Variants in TMEM132B observed in about 807,000 individuals in gnomAD.
TMEM132B encodes the protein transmembrane protein 132B.
A neutral mutation model predicts 90.8 loss-of-function variants in TMEM132B; 18 were observed. That is an observed-to-expected ratio of 0.20 (90% confidence interval 0.14 to 0.29). TMEM132B has a LOEUF of 0.29. TMEM132B is among the 10% of genes least tolerant of loss of function. TMEM132B has a pLI of 1.00. For missense variants in TMEM132B, 1,096 were observed against 1,326.8 expected, an observed-to-expected ratio of 0.83 and a Z score of 2.70; for synonymous variants, 504 against 523.3, an observed-to-expected ratio of 0.96 and a Z score of 0.50.
At chr12:125,242,093 A>G (rs1874083861) in intron 1 of TMEM132B, among the ~76,000 whole-genome samples, 1 of 152,206 alleles carries the variant, frequency 6.6e-6, no homozygotes, top group Non-Finnish European at 1.5e-5. Flanking sequence ...AAAATACCAT[A>G]GGAGAGCTCC....
rs553922921 is a variant in TMEM132B at position 125,418,051 on chromosome 12, C to T, written c.1106+2374C>T. 2.0e-5 allele frequency among the ~76,000 whole-genome samples: 3 copies of T among 152,294 alleles called. No homozygotes were observed. In the South Asian group the frequency reaches 6.2e-4, roughly 32 times the overall value. The stretch of plus-strand genomic sequence containing the variant: ...TCTCATGCCTCCTGCTGTTGTGCTA[C>T]AGGAGTCCAAATGGGATTTTCTGGC... On this transcript the variant is annotated intron_variant, in intron 3 of 8. Transcript: ENST00000682704.
chr12:125,188,407 T>C (rs1957772314), intron 1 of TMEM132B, among the ~76,000 whole-genome samples: 1 of 152,096 alleles, frequency 6.6e-6, no homozygotes, highest in Non-Finnish European at 1.5e-5. Context: ...AAAATTGCAG[T>C]TTTGTCTCTA....
At chr12:125,491,521 T>C (rs1285922363) in intron 3 of TMEM132B, among the ~76,000 whole-genome samples, 1 of 152,250 alleles carries the variant, frequency 6.6e-6, no homozygotes, top group Admixed American at 6.5e-5. Context: ...TGATGTTCAC[T>C]GCATCTGCAG....
At chr12:125,235,041 G>A (rs548439314) in intron 1 of TMEM132B, among the ~76,000 whole-genome samples, 4 of 152,328 alleles carry the variant, frequency 2.6e-5, no homozygotes, top group African/African-American at 7.2e-5. Flanking sequence ...GCCTCTGCAT[G>A]CTAGTTTGGC....
Position 125,350,124 on chromosome 12 carries a change from T to C in TMEM132B, c.740T>C (p.Ile247Thr). ...LEEEGKWENNIHSGLESPQQA... is the reference protein window; with the variant it reads ...LEEEGKWENNTHSGLESPQQA... The stretch of plus-strand genomic sequence containing the variant: ...GAGGAAGGCAAGTGGGAGAACAATA[T>C]CCACTCGGGCCTGGAGAGCCCCCAG... Residue 247 changes from isoleucine (I) to threonine (T), a missense_variant, in exon 2 of 9, where the codon ATC becomes ACC. Physicochemically the swap from Ile to Thr is moderately conservative, Grantham distance 89. Coordinates refer to ENST00000682704, the MANE Select transcript of TMEM132B (RefSeq NM_001366854.1). 6.2e-7 allele frequency: 1 copy of C among 1,614,104 alleles called. No homozygotes were observed. Among genetic ancestry groups the C allele is most frequent in the Non-Finnish European group, 8.5e-7 (1 of 1,180,002 alleles).
chr12:125,467,001 G>A (rs1881579187), intron 3 of TMEM132B, among the ~76,000 whole-genome samples: 1 of 152,200 alleles, frequency 6.6e-6, no homozygotes, highest in African/African-American at 2.4e-5. Context: ...AGACATCTCG[G>A]GACTGTCCCT....
chr12:125,372,561 T>C (rs188649039), intron 2 of TMEM132B, among the ~76,000 whole-genome samples: 21 of 152,334 alleles, frequency 1.4e-4, no homozygotes, highest in African/African-American at 5.1e-4. Context: ...GAGATGTTTT[T>C]CCAGTGGAAA....
chr12:125,217,069 G>T (rs1444766398), intron 1 of TMEM132B, among the ~76,000 whole-genome samples: 1 of 152,244 alleles, frequency 6.6e-6, no homozygotes, highest in Non-Finnish European at 1.5e-5. Flanking sequence ...AATTCATCTG[G>T]AAGAGTTTTT....
intron 5 of TMEM132B, among the ~76,000 whole-genome samples, chr12:125,641,462 A>G (rs539655374): frequency 2.0e-5 from 3 of 152,332 alleles, no homozygotes; most frequent in East Asian, 3.9e-4. Flanking sequence ...AGTACTCAGT[A>G]TGATTAGCCT....
In TMEM132B at chr12:125,284,674, C is replaced by T. The variant is rs147650844; in HGVS notation, c.68-64778C>T. Among the ~76,000 whole-genome samples, 232 of 152,290 alleles carry T rather than the reference C, an allele frequency of 1.5e-3. 1 individual carries two copies. The highest frequency in any genetic ancestry group is 5.4e-3 in the African/African-American group (226 of 41,564). On this transcript the variant is annotated intron_variant, in intron 1 of 8. Coordinates refer to ENST00000682704, the MANE Select transcript of TMEM132B (RefSeq NM_001366854.1). ...TGGATAGACATTCAAATCGCTTCTG[C>T]GTTTTTTTTATTTGCTGTTATAAAC...
intron 5 of TMEM132B, among the ~76,000 whole-genome samples, chr12:125,602,429 ACT>A (rs1381264311): frequency 2.6e-5 from 4 of 152,058 alleles, no homozygotes; most frequent in Admixed American, 1.3e-4. Context: ...CGTGTTAAAA[ACT>A]CTCAATAAAC....
At chr12:125,319,180 A>G (rs1876359992) in intron 1 of TMEM132B, among the ~76,000 whole-genome samples, 1 of 152,232 alleles carries the variant, frequency 6.6e-6, no homozygotes, top group Admixed American at 6.5e-5. Context: ...CCATGACTAC[A>G]GCTCCCGGGG....
At chr12:125,606,776 G>A (rs1466070378) in intron 5 of TMEM132B, among the ~76,000 whole-genome samples, 1 of 152,200 alleles carries the variant, frequency 6.6e-6, no homozygotes, top group Non-Finnish European at 1.5e-5. Flanking sequence ...GGACCACTGA[G>A]CCCAGAGCAG....
At chr12:125,478,568 G>A (rs777055395) in intron 3 of TMEM132B, among the ~76,000 whole-genome samples, 56 of 152,144 alleles carry the variant, frequency 3.7e-4, no homozygotes, top group Non-Finnish European at 6.6e-4. Flanking sequence ...AGAAAAAAGA[G>A]TAAAAACAAA....
rs545646423 is a variant in TMEM132B, at chr12:125,492,600, G to A, written c.1107-26839G>A. 7.9e-5 allele frequency among the ~76,000 whole-genome samples: 12 copies of A among 152,268 alleles called. No individual in the cohort carries two copies. In the East Asian group the frequency reaches 2.3e-3, roughly 29 times the overall value. ...GCAGGTGCGTCCAGGGGCCCTGGGT[G>A]AGGAGGCTACGGCAGCCTCGGGTCC... On this transcript the variant is annotated intron_variant, in intron 3 of 8. Coordinates refer to ENST00000682704, the MANE Select transcript of TMEM132B (RefSeq NM_001366854.1). The surrounding 1 kb of genome is among the most constrained non-coding windows in gnomAD (Gnocchi z 5.8).
At chr12:125,504,642 C>T (rs1333067632) in intron 3 of TMEM132B, among the ~76,000 whole-genome samples, 1 of 152,012 alleles carries the variant, frequency 6.6e-6, no homozygotes, top group Non-Finnish European at 1.5e-5. Flanking sequence ...ATATTCACAC[C>T]GATGACAACT....
intron 1 of TMEM132B, among the ~76,000 whole-genome samples, chr12:125,339,998 A>G (rs1343401136): frequency 6.6e-6 from 1 of 152,226 alleles, no homozygotes; most frequent in Non-Finnish European, 1.5e-5. Context: ...GAGTGTAGTC[A>G]CACAGCAAAG....
chr12:125,563,927 G>A (rs1379096937), intron 4 of TMEM132B, among the ~76,000 whole-genome samples: 1 of 152,178 alleles, frequency 6.6e-6, no homozygotes, highest in Non-Finnish European at 1.5e-5. Flanking sequence ...GTTGGAGGAA[G>A]TGTGGCCCTG....
intron 2 of TMEM132B, among the ~76,000 whole-genome samples, chr12:125,357,235 G>A (rs559640672): frequency 9.1e-4 from 138 of 152,322 alleles, no homozygotes; most frequent in Admixed American, 2.7e-3. Flanking sequence ...CATAGGGGAT[G>A]CAATTCTGGC....
Sources: gnomAD v4.1 joint callset for allele counts (sites outside exome capture counted in the v4.1 genomes callset) on GRCh38, gnomAD v4.1.1 for gene constraint, Gnocchi (gnomAD v3.1) non-coding constraint, MANE v1.5 for transcripts, NCBI Gene and HGNC (gene_info 2026-07-23, HGNC 2026-07-21) for gene names.